Variants in MIPEP observed in about 807,000 individuals in gnomAD.
The protein encoded by MIPEP is mitochondrial intermediate peptidase.
MIPEP carries 79 observed loss-of-function variants against 90.3 expected under a neutral mutation model. That is an observed-to-expected ratio of 0.87 (90% CI 0.73 to 1.05). The LOEUF (loss-of-function observed/expected upper bound fraction) is 1.05, where lower values mean the gene tolerates loss of function less well. Among genes scored for constraint, MIPEP ranks in the 50% least tolerant of loss-of-function variants. MIPEP has a pLI of 0.00. For synonymous variants in MIPEP, 334 were observed against 315.8 expected (o/e 1.06, Z -0.61); for missense variants, 940 against 905.6 (o/e 1.04, Z -0.49).
At chr13:23,810,930 G>A (rs1209006757) in intron 14 of MIPEP, among the ~76,000 whole-genome samples, 1 of 152,172 alleles carries the variant, frequency 6.6e-6, no homozygotes, top group Non-Finnish European at 1.5e-5. Context: ...TTTCCATTTG[G>A]CAGCAAGAGA....
chr13:23,869,131 C>T (rs1358471740), intron 7 of MIPEP, among the ~76,000 whole-genome samples, 161 bp downstream of exon 7: 3 of 152,148 alleles, frequency 2.0e-5, no homozygotes, highest in Non-Finnish European at 2.9e-5. Flanking sequence ...AAATTATTAG[C>T]TCTATTTAAA....
intron 16 of MIPEP, among the ~76,000 whole-genome samples, chr13:23,780,051 C>T (rs180880562): frequency 1.2e-4 from 19 of 152,360 alleles, no homozygotes; most frequent in Admixed American, 9.1e-4. Context: ...AAACAAAAGG[C>T]AGCAGAAACC....
At chr13:23,778,313 C>G (rs1301911133) in intron 16 of MIPEP, among the ~76,000 whole-genome samples, 1 of 152,114 alleles carries the variant, frequency 6.6e-6, no homozygotes, top group Non-Finnish European at 1.5e-5. Flanking sequence ...AAGCAAATAA[C>G]TGCTTTCTTT....
intron 18 of MIPEP, among the ~76,000 whole-genome samples, chr13:23,754,067 T>C (rs1409178053): frequency 6.6e-6 from 1 of 152,184 alleles, no homozygotes; most frequent in African/African-American, 2.4e-5. Flanking sequence ...TAAACAAAAA[T>C]ATATAAGGTA....
At chr13:23,845,533 T>G (rs980522739) in intron 10 of MIPEP, among the ~76,000 whole-genome samples, 1 of 152,220 alleles carries the variant, frequency 6.6e-6, no homozygotes, top group Non-Finnish European at 1.5e-5. Flanking sequence ...CTGTTCCTTT[T>G]AACTGACGGT....
intron 13 of MIPEP, among the ~76,000 whole-genome samples, chr13:23,836,774 T>G (rs1364725076): frequency 6.6e-6 from 1 of 152,268 alleles, no homozygotes; most frequent in African/African-American, 2.4e-5. Context: ...TTTATTGCTT[T>G]TTGTAACAAA....
At chr13:23,864,772 GA>G (rs66459829) in intron 7 of MIPEP, among the ~76,000 whole-genome samples, 6,674 of 144,092 alleles carry the variant, frequency 0.046, 509 homozygotes, top group African/African-American at 0.16. Context: ...GGAGGCTAAA[GA>G]AAAAAGTACA....
chr13:23,877,329 G>A (rs1467885886), intron 4 of MIPEP, among the ~76,000 whole-genome samples: 1 of 152,168 alleles, frequency 6.6e-6, no homozygotes, highest in East Asian at 1.9e-4. Context: ...TGTTGTGTAT[G>A]TTGCGGTTCT....
chr13:23,880,203 CATGGGCCTTCCCAA>C (rs1253933475), intron 3 of MIPEP, among the ~76,000 whole-genome samples: 47 of 152,320 alleles, frequency 3.1e-4, no homozygotes, highest in Admixed American at 2.5e-3. Context: ...CTACCATTCT[CATGGGCCTTCCCAA>C]ATACTAGTGA....
intron 16 of MIPEP, among the ~76,000 whole-genome samples, chr13:23,773,564 C>CT (rs1413250915): frequency 6.6e-6 from 1 of 152,180 alleles, no homozygotes; most frequent in Non-Finnish European, 1.5e-5. Context: ...CTGCTGTACC[C>CT]TTTTACATTC....
intron 9 of MIPEP, among the ~76,000 whole-genome samples, chr13:23,859,377 C>T (rs1013693898): frequency 6.6e-6 from 1 of 152,178 alleles, no homozygotes; most frequent in African/African-American, 2.4e-5. Context: ...GTAACCAAGG[C>T]AGAATTAACT....
At chr13:23,758,346 A>T (rs926607101) in intron 17 of MIPEP, among the ~76,000 whole-genome samples, 3 of 152,194 alleles carry the variant, frequency 2.0e-5, no homozygotes, top group Non-Finnish European at 4.4e-5. Flanking sequence ...GGAGACTTTG[A>T]CAGAGGTTAG....
chr13:23,841,267 G>T, intron 11 of MIPEP, 68 bp downstream of exon 11: 1 of 1,423,320 alleles, frequency 7.0e-7, no homozygotes, highest in Non-Finnish European at 9.5e-7. Flanking sequence ...ACCTGAAACT[G>T]CTGTTGACTC....
chr13:23,765,289 T>C (rs1952581818), intron 16 of MIPEP, among the ~76,000 whole-genome samples: 1 of 152,200 alleles, frequency 6.6e-6, no homozygotes, highest in African/African-American at 2.4e-5. Flanking sequence ...AGCTTTCCTA[T>C]CCACAGTTTC....
chr13:23,754,960 C>G (rs972323351), intron 18 of MIPEP, among the ~76,000 whole-genome samples: 1 of 152,168 alleles, frequency 6.6e-6, no homozygotes, highest in Admixed American at 6.5e-5. Flanking sequence ...TGCCTGAGGT[C>G]CTGGTTCAAT....
At chr13:23,755,288 T>C (rs2138510074) in intron 18 of MIPEP, among the ~76,000 whole-genome samples, 1 of 152,378 alleles carries the variant, frequency 6.6e-6, no homozygotes, top group South Asian at 2.1e-4. Context: ...CATGGAATCA[T>C]GTCTGGCACA....
chr13:23,765,204 C>A (rs1162448258), intron 16 of MIPEP, among the ~76,000 whole-genome samples: 1 of 152,054 alleles, frequency 6.6e-6, no homozygotes, highest in Non-Finnish European at 1.5e-5. Context: ...GGGGGTGGGT[C>A]CTAGAACCAA....
intron 16 of MIPEP, among the ~76,000 whole-genome samples, chr13:23,803,269 A>G (rs1050286709): frequency 6.6e-6 from 1 of 151,908 alleles, no homozygotes; most frequent in African/African-American, 2.4e-5. Context: ...AGGCTGAGGA[A>G]GGAGAATTGC....
intron 2 of MIPEP, among the ~76,000 whole-genome samples, chr13:23,884,736 A>G (rs1247748353): frequency 6.6e-6 from 1 of 152,256 alleles, no homozygotes; most frequent in Non-Finnish European, 1.5e-5. Context: ...TATAAACTCC[A>G]TGAAGTAACA....
Sources: allele counts gnomAD v4.1 joint callset (sites outside exome capture counted in the v4.1 genomes callset), GRCh38; gene constraint gnomAD v4.1.1; transcripts MANE v1.5; gene names NCBI Gene and HGNC (gene_info 2026-07-23, HGNC 2026-07-21).